CCDC150: variants seen among roughly 807,000 people sequenced by gnomAD.
CCDC150 encodes the protein coiled-coil domain-containing protein 150.
A neutral mutation model predicts 156.5 loss-of-function variants in CCDC150; 151 were observed. The ratio of observed to expected loss-of-function variants is 0.97; its 90% CI spans 0.85 to 1.10. CCDC150 has a LOEUF of 1.10. CCDC150 is among the 50% of genes least tolerant of loss of function. The pLI is 0.00. For synonymous variants in CCDC150, 452 were observed against 429.4 expected, an observed-to-expected ratio of 1.05 and a Z score of -0.65; for missense variants, 1,312 against 1,268.1, an observed-to-expected ratio of 1.03 and a Z score of -0.53.
At chr2:196,653,586 C>T (rs1171762960) in intron 2 of CCDC150, among the ~76,000 whole-genome samples, 1 of 152,138 alleles carries the variant, frequency 6.6e-6, no homozygotes, top group Non-Finnish European at 1.5e-5. Context: ...CATCTAAGAC[C>T]TCATCAGTAT....
chr2:196,729,250 C>T lies in CCDC150; in HGVS notation c.2614C>T (p.Arg872Ter), dbSNP rs1159948139. Residue 872 changes from arginine to a stop codon, truncating the protein, a stop_gained, in exon 23 of 28, where the codon CGA becomes TGA. Coordinates refer to ENST00000389175, the MANE Select transcript of CCDC150 (RefSeq NM_001080539.2). LOFTEE classifies it high-confidence loss of function. ...ATCAGTGGAAGTGTCCCGGACCAAC[C>T]GAGAGCTGCGACAGAAACTTGCAGA... ...FRSVEVSRTN[R>*]ELRQKLAELE... 2.5e-6 allele frequency: 4 copies of T among 1,613,684 alleles called. No homozygotes were observed. Among genetic ancestry groups the T allele is most frequent in the East Asian group, 2.2e-5 (1 of 44,868 alleles).
At position 196,730,943 on chromosome 2, in the gene CCDC150, C is replaced by A. The variant is rs368280366; in HGVS notation, c.3067C>A (p.Gln1023Lys). 56 of 1,592,140 alleles carry A rather than the reference C, an allele frequency of 3.5e-5. No individual in the cohort carries two copies. Among genetic ancestry groups the A allele is most frequent in the Middle Eastern group, 1.6e-4 (1 of 6,064 alleles). Residue 1023 changes from glutamine (Q) to lysine (K), a missense_variant and splice_region_variant, in exon 26 of 28, where the codon CAG becomes AAG. Transcript: ENST00000389175. Reference sequence around the variant, plus strand: ...GAAAGAAGCCAGTGTGGAATCAGAACAGGTGAGCCAGACCCACGGACATAA... The same window carrying A: ...GAAAGAAGCCAGTGTGGAATCAGAAAAGGTGAGCCAGACCCACGGACATAA... ...TLKEASVESE[Q>K]ITANLEEAHR...
At chr2:196,720,348 T>G in intron 19 of CCDC150, 1 of 495,572 alleles carries the variant, frequency 2.0e-6, no homozygotes, top group Non-Finnish European at 3.7e-6. Context: ...TTAAAAATAC[T>G]ATTCACAATA....
At chr2:196,694,897 G>T (rs902595862) in intron 13 of CCDC150, 149 bp from the exon 14 acceptor site, 15 of 489,790 alleles carry the variant, frequency 3.1e-5, no homozygotes, top group Admixed American at 1.9e-4. Context: ...AGAGCTATCA[G>T]ACTGACTGGT....
intron 1 of CCDC150, among the ~76,000 whole-genome samples, chr2:196,645,597 G>A (rs1692490444): frequency 6.6e-6 from 1 of 152,220 alleles, no homozygotes; most frequent in Admixed American, 6.5e-5. Flanking sequence ...TACACGTTGT[G>A]ACCACATATA....
intron 26 of CCDC150, among the ~76,000 whole-genome samples, chr2:196,731,149 A>G (rs373091343): frequency 6.6e-6 from 1 of 152,206 alleles, no homozygotes; most frequent in Non-Finnish European, 1.5e-5. Flanking sequence ...GACAGATGAT[A>G]TATAACAGAA....
intron 2 of CCDC150, among the ~76,000 whole-genome samples, chr2:196,654,301 GT>G (rs950909606): frequency 3.3e-5 from 5 of 149,278 alleles, no homozygotes; most frequent in East Asian, 2.0e-4. Flanking sequence ...GGCTTGGGAA[GT>G]TTTTTTTTTA....
At chr2:196,677,215 G>C in intron 12 of CCDC150, 78 bp from the exon 13 acceptor site, 1 of 886,708 alleles carries the variant, frequency 1.1e-6, no homozygotes. Flanking sequence ...TGACATGCAG[G>C]ATATGTGTGC....
intron 17 of CCDC150, among the ~76,000 whole-genome samples, chr2:196,716,910 C>T (rs1009418180): frequency 8.0e-6 from 1 of 124,524 alleles, no homozygotes; most frequent in Non-Finnish European, 1.6e-5. Flanking sequence ...GGCTGGAGTA[C>T]AGTGGCGCCA....
chr2:196,723,327 C>A (rs560344229), intron 21 of CCDC150, among the ~76,000 whole-genome samples: 44 of 152,156 alleles, frequency 2.9e-4, no homozygotes, highest in African/African-American at 9.6e-4. Flanking sequence ...ATGGTGAAAC[C>A]CCATCTCTAC....
intron 17 of CCDC150, chr2:196,713,378 T>C: frequency 6.7e-7 from 1 of 1,481,510 alleles, no homozygotes; most frequent in South Asian, 1.4e-5. Flanking sequence ...AAAAAGGAAA[T>C]CCCCAGAGAG....
chr2:196,668,246 G>A (rs1456838445), intron 7 of CCDC150, among the ~76,000 whole-genome samples: 12 of 144,752 alleles, frequency 8.3e-5, no homozygotes, highest in African/African-American at 2.3e-4. Context: ...GCAGTGAGCC[G>A]AGATCGTGCC....
intron 7 of CCDC150, chr2:196,667,355 A>G (rs549509701): frequency 1.8e-5 from 3 of 163,074 alleles, no homozygotes; most frequent in African/African-American, 4.8e-5. Flanking sequence ...CTTTTTATAG[A>G]TGAGTCCTCA....
rs116919258 is a variant in CCDC150 at position 196,662,479 on chromosome 2, A to T, written c.646-3088A>T. 8.8e-3 allele frequency among the ~76,000 whole-genome samples: 1,339 copies of T among 152,212 alleles called. 50 individuals carry two copies. In the East Asian group the frequency reaches 0.1, roughly 12 times the overall value. On this transcript the variant is annotated intron_variant, in intron 5 of 27. Transcript: ENST00000389175. The stretch of plus-strand genomic sequence containing the variant: ...TTCTCATAAGAAGCGTGCAACCTAG[A>T]TCCCTTGCATGCACAGTTCACAATA...
chr2:196,655,335 T>G (rs1337103850), intron 2 of CCDC150, among the ~76,000 whole-genome samples: 1 of 152,210 alleles, frequency 6.6e-6, no homozygotes, highest in African/African-American at 2.4e-5. Flanking sequence ...CTCCCAGAGC[T>G]GGGTGGCTAA....
rs1332176728 is a variant in CCDC150, at chr2:196,726,051, A to C, written c.2508A>C (p.Gln836His). ...ERIEALRKQF[Q>H]TERETTKKVA... The stretch of plus-strand genomic sequence containing the variant: ...TAGAAGCTCTAAGAAAGCAGTTTCA[A>C]ACCGAGAGAGAAACTACAAAGAAAG... The change falls in exon 22 of 28, where the codon CAA becomes CAC. Residue 836 changes from glutamine (Q) to histidine (H), a missense_variant. Gln to His is a conservative substitution (Grantham distance 24). Coordinates refer to ENST00000389175, the MANE Select transcript of CCDC150 (RefSeq NM_001080539.2). The C allele has an allele frequency of 1.2e-6, 2 of 1,612,694 alleles. No individual in the cohort carries two copies. The highest frequency in any genetic ancestry group is 4.5e-5 in the East Asian group (2 of 44,858).
At chr2:196,671,576 C>T (rs766955411) in intron 8 of CCDC150, among the ~76,000 whole-genome samples, 18 of 143,778 alleles carry the variant, frequency 1.3e-4, no homozygotes, top group Non-Finnish European at 2.3e-4. Context: ...TACAAGTGCC[C>T]TCCACCACGC....
intron 5 of CCDC150, among the ~76,000 whole-genome samples, chr2:196,659,362 A>G (rs914741493): frequency 2.6e-5 from 4 of 152,196 alleles, no homozygotes; most frequent in African/African-American, 9.6e-5. Flanking sequence ...TACTAACTCA[A>G]TATACTCTGG....
At chr2:196,668,864 T>C (rs1039205495) in intron 7 of CCDC150, among the ~76,000 whole-genome samples, 4 of 152,216 alleles carry the variant, frequency 2.6e-5, no homozygotes, top group Non-Finnish European at 5.9e-5. Context: ...AAATTCGAGT[T>C]TATTCTGATG....
Sources: gnomAD v4.1 joint callset for allele counts (sites outside exome capture counted in the v4.1 genomes callset) on GRCh38, gnomAD v4.1.1 for gene constraint, MANE v1.5 for transcripts, NCBI Gene and HGNC (gene_info 2026-07-23, HGNC 2026-07-21) for gene names.